Variants in FBN2 observed in about 807,000 individuals in gnomAD.
The protein encoded by FBN2 is fibrillin 2.
A neutral mutation model predicts 355.6 loss-of-function variants in FBN2; 105 were observed. That is an observed-to-expected ratio of 0.30 (90% CI 0.25 to 0.35). FBN2 has a LOEUF of 0.35. Ranked by LOEUF, FBN2 falls within the 10% of genes least tolerant of loss-of-function variation. The probability of loss-of-function intolerance (pLI) is 1.00; values close to 1 mark genes in which losing one functional copy is unlikely to be tolerated. For synonymous variants in FBN2, 1,350 were observed against 1,301.2 expected (o/e 1.04, Z -0.81); for missense variants, 3,280 against 3,758.7 (o/e 0.87, Z 3.33).
At chr5:128,506,956 C>T (rs1223346140) in intron 5 of FBN2, among the ~76,000 whole-genome samples, 3 of 151,920 alleles carry the variant, frequency 2.0e-5, no homozygotes, top group African/African-American at 7.3e-5. Context: ...ATCTATTATC[C>T]TTTTACCATA....
intron 42 of FBN2, 122 bp downstream of exon 42, chr5:128,307,007 CTAACTA>C (rs1485072497): frequency 1.9e-5 from 13 of 690,076 alleles, no homozygotes; most frequent in African/African-American, 1.4e-4. Flanking sequence ...TCTCTCTTAT[CTAACTA>C]TATTAGATTG....
intron 61 of FBN2, 99 bp from the exon 62 acceptor site, chr5:128,272,217 A>C: frequency 7.8e-7 from 1 of 1,285,368 alleles, no homozygotes; most frequent in Admixed American, 1.9e-5. Context: ...TCATGGGAAC[A>C]AACAAACAAA....
At chr5:128,495,461 A>G (rs183372026) in intron 5 of FBN2, among the ~76,000 whole-genome samples, 13 of 152,266 alleles carry the variant, frequency 8.5e-5, no homozygotes, top group Middle Eastern at 3.4e-3. Flanking sequence ...GAAGTTTAAC[A>G]AAGTTTAAGT....
Position 128,374,639 on chromosome 5 carries a change from C to T in FBN2, c.2084G>A (p.Arg695His), listed in dbSNP as rs143722436. The change falls in exon 15 of 65, where the codon CGT becomes CAT. Residue 695 changes from arginine to histidine, a missense_variant. Around this residue, in one of 6 missense-constraint regions of FBN2, gnomAD observed 2,284 missense variants for 2,749.5 expected, o/e 0.83. Coordinates refer to ENST00000262464, the MANE Select transcript of FBN2 (RefSeq NM_001999.4). ...PPGLAVGMDG[R>H]VCVDTHMRST... The stretch of plus-strand genomic sequence containing the variant: ...AATGTTTCACTTACCAACACACACA[C>T]GTCCATCCATGCCCACAGCCAGGCC... The T allele has an allele frequency of 6.8e-6, 11 of 1,613,852 alleles. No homozygotes were observed. The highest frequency in any genetic ancestry group is 3.3e-5 in the Admixed American group (2 of 59,980).
At chr5:128,347,652 T>C (rs1442361062) in intron 23 of FBN2, among the ~76,000 whole-genome samples, 4 of 152,216 alleles carry the variant, frequency 2.6e-5, no homozygotes, top group African/African-American at 9.6e-5. Context: ...CATGTGCCAG[T>C]TGCTTCTTGA....
chr5:128,400,920 T>A (rs1752784642), intron 8 of FBN2, among the ~76,000 whole-genome samples: 1 of 152,104 alleles, frequency 6.6e-6, no homozygotes, highest in African/African-American at 2.4e-5. Flanking sequence ...TGGGGGCCGG[T>A]CTTTCCCATG....
intron 19 of FBN2, among the ~76,000 whole-genome samples, chr5:128,360,434 T>C (rs1301567898): frequency 6.6e-6 from 1 of 152,042 alleles, no homozygotes; most frequent in Non-Finnish European, 1.5e-5. Context: ...AAGATAAATC[T>C]TCAAGTACTT....
intron 34 of FBN2, among the ~76,000 whole-genome samples, chr5:128,320,959 A>G (rs928612304): frequency 4.0e-5 from 6 of 150,940 alleles, no homozygotes; most frequent in Non-Finnish European, 8.8e-5. Context: ...TTTTTATTTA[A>G]TTATGTTCAC....
At position 128,338,958 on chromosome 5, in the gene FBN2, G is replaced by A. The variant is rs1194198151; in HGVS notation, c.3447C>T (p.Gly1149=). Residue 1149 remains glycine (G), a synonymous_variant, in exon 26 of 65, where the codon GGC becomes GGT. Transcript: ENST00000262464. ...CCATGCAGTTCTTCATCATCATGAA[G>A]CCACTTTCATAGCCTTCGAAGCACT... The part of the protein sequence containing the change: ...ECECFEGYES[G]FMMMKNCMDI... 2 of 1,614,116 alleles carry A rather than the reference G, an allele frequency of 1.2e-6. No individual in the cohort carries two copies. The highest frequency in any genetic ancestry group is 1.7e-6 in the Non-Finnish European group (2 of 1,179,966).
intron 41 of FBN2, among the ~76,000 whole-genome samples, chr5:128,308,613 T>A (rs1331303599): frequency 6.6e-6 from 1 of 152,168 alleles, no homozygotes; most frequent in East Asian, 1.9e-4. Flanking sequence ...GACAGCAATT[T>A]TAAGACAAGC....
chr5:128,462,632 T>G (rs1754588152), intron 6 of FBN2, among the ~76,000 whole-genome samples: 1 of 152,212 alleles, frequency 6.6e-6, no homozygotes, highest in African/African-American at 2.4e-5. Context: ...CAGACATTAC[T>G]AAACCCTAAA....
chr5:128,434,657 G>C (rs1753730448), intron 7 of FBN2, among the ~76,000 whole-genome samples: 1 of 151,358 alleles, frequency 6.6e-6, no homozygotes, highest in Admixed American at 6.6e-5. Flanking sequence ...ATTTTGTCAA[G>C]AGAATATAAA....
chr5:128,459,634 T>C (rs986660145), intron 6 of FBN2, among the ~76,000 whole-genome samples: 2 of 152,236 alleles, frequency 1.3e-5, no homozygotes, highest in African/African-American at 4.8e-5. Context: ...GTCCCCAGGA[T>C]GCAAGGCTGG....
Position 128,374,755 on chromosome 5 carries a change from G to A in FBN2, c.1973-5C>T. 6.2e-7 allele frequency: 1 copy of A among 1,613,802 alleles called. No homozygotes were observed. Among genetic ancestry groups the A allele is most frequent in the Non-Finnish European group, 8.5e-7 (1 of 1,179,818 alleles). ...GGGTCTGGCATTCATCAACATCTGT[G>A]CAGTGGGTGACAGAAGCCAAGCAGT... On this transcript the variant is annotated splice_polypyrimidine_tract_variant and splice_region_variant and intron_variant, in intron 14 of 64. Transcript: ENST00000262464.
At position 128,492,530 on chromosome 5, in the gene FBN2, C is replaced by T. The variant is rs528930692; in HGVS notation, c.628+26743G>A. Among the ~76,000 whole-genome samples the T allele has an allele frequency of 1.5e-3, 228 of 152,220 alleles. 2 individuals carry two copies. Among genetic ancestry groups the T allele is most frequent in the Non-Finnish European group, 8.5e-4 (58 of 67,994 alleles). ...AAAATATAGAAATACTGGCTGGGCG[C>T]GGTAGCTCATGCCTGTAATCCCAGC... On this transcript the variant is annotated intron_variant, in intron 5 of 64. Coordinates refer to ENST00000262464, the MANE Select transcript of FBN2 (RefSeq NM_001999.4).
Position 128,424,519 on chromosome 5 carries a change from A to G in FBN2, c.953-15720T>C, listed in dbSNP as rs568770719. Among the ~76,000 whole-genome samples the G allele has an allele frequency of 3.9e-5, 6 of 152,252 alleles. No homozygotes were observed. In the South Asian group the frequency reaches 1.2e-3, roughly 32 times the overall value. On this transcript the variant is annotated intron_variant, in intron 7 of 64. Coordinates refer to ENST00000262464, the MANE Select transcript of FBN2 (RefSeq NM_001999.4). ...GAAAGCCTGTGGTCTGTCACATTAT[A>G]TCATTATTTTTGCATTATTTCAGGA...
At chr5:128,335,660 G>C in intron 28 of FBN2, 83 bp from the exon 29 acceptor site, 3 of 1,534,230 alleles carry the variant, frequency 2.0e-6, no homozygotes, top group Non-Finnish European at 2.7e-6. Flanking sequence ...TAATGCTAAT[G>C]TGGCTTTGAA....
chr5:128,451,977 C>T (rs1754261211), intron 6 of FBN2, among the ~76,000 whole-genome samples: 1 of 152,014 alleles, frequency 6.6e-6, no homozygotes, highest in Admixed American at 6.6e-5. Flanking sequence ...AGAACGAAAC[C>T]CTTATTTTTG....
At chr5:128,477,720 C>G (rs188475800) in intron 5 of FBN2, among the ~76,000 whole-genome samples, 1 of 152,278 alleles carries the variant, frequency 6.6e-6, no homozygotes, top group Non-Finnish European at 1.5e-5. Flanking sequence ...GACCCCGAGT[C>G]TGAAGTACAA....
Sources: allele counts gnomAD v4.1 joint callset (sites outside exome capture counted in the v4.1 genomes callset), GRCh38; gene constraint gnomAD v4.1.1; regional missense constraint gnomAD v4.1.1; transcripts MANE v1.5; gene names NCBI Gene and HGNC (gene_info 2026-07-23, HGNC 2026-07-21).